The following KCNH8 variants were observed in gnomAD, a reference collection of about 807,000 sequenced individuals.
KCNH8 encodes potassium voltage-gated channel subfamily H member 8.
Under a neutral mutation model 103.6 loss-of-function variants are expected in KCNH8, and 70 were observed. The ratio of observed to expected loss-of-function variants is 0.68; its 90% CI spans 0.56 to 0.82. The LOEUF is 0.82. Ranked by LOEUF, KCNH8 falls within the 40% of genes least tolerant of loss-of-function variation. KCNH8 has a pLI of 0.00. For synonymous variants in KCNH8, 498 were observed against 489.4 expected, an observed-to-expected ratio of 1.02 and a Z score of -0.23; for missense variants, 1,217 against 1,329.9, an observed-to-expected ratio of 0.92 and a Z score of 1.32.
chr3:19,453,453 G>A (rs999515486), intron 10 of KCNH8, among the ~76,000 whole-genome samples: 1 of 152,166 alleles, frequency 6.6e-6, no homozygotes. Flanking sequence ...AAGAGAAAAA[G>A]AGAACTAATA....
At chr3:19,505,577 T>C (rs1212224740) in intron 11 of KCNH8, among the ~76,000 whole-genome samples, 1 of 152,178 alleles carries the variant, frequency 6.6e-6, no homozygotes, top group Non-Finnish European at 1.5e-5. Context: ...ATCCCTTCTC[T>C]CTAGCTGCCT....
intron 15 of KCNH8, among the ~76,000 whole-genome samples, chr3:19,526,936 G>A (rs1037405304): frequency 2.6e-5 from 4 of 151,936 alleles, no homozygotes; most frequent in Non-Finnish European, 5.9e-5. Flanking sequence ...TTTTACAGGA[G>A]CTTGACTACT....
chr3:19,254,376 C>G (rs1457739391), intron 2 of KCNH8, among the ~76,000 whole-genome samples: 1 of 151,996 alleles, frequency 6.6e-6, no homozygotes, highest in Non-Finnish European at 1.5e-5. Flanking sequence ...TTCCGGTTAC[C>G]TAGCCACAGA....
At chr3:19,464,913 AATGAT>A (rs753520015) in intron 11 of KCNH8, among the ~76,000 whole-genome samples, 1 of 152,190 alleles carries the variant, frequency 6.6e-6, no homozygotes, top group Non-Finnish European at 1.5e-5. Flanking sequence ...TTATAGTGAG[AATGAT>A]ATGATTAGTA....
chr3:19,159,773 T>C (rs2063216458), intron 1 of KCNH8, among the ~76,000 whole-genome samples: 1 of 152,126 alleles, frequency 6.6e-6, no homozygotes, highest in South Asian at 2.1e-4. Context: ...TATCTGTATC[T>C]ATATCTATAT....
At chr3:19,184,269 TA>T (rs1246831618) in intron 1 of KCNH8, among the ~76,000 whole-genome samples, 2 of 152,002 alleles carry the variant, frequency 1.3e-5, no homozygotes, top group South Asian at 2.1e-4. Context: ...CTCAAAAACA[TA>T]ATTTTGAGAG....
chr3:19,499,278 T>C (rs2068521464), intron 11 of KCNH8, among the ~76,000 whole-genome samples: 1 of 151,964 alleles, frequency 6.6e-6, no homozygotes, highest in Non-Finnish European at 1.5e-5. Context: ...CTCCAAGAAA[T>C]ATGGGACTCT....
chr3:19,169,070 T>C (rs2063312638), intron 1 of KCNH8, among the ~76,000 whole-genome samples: 1 of 152,106 alleles, frequency 6.6e-6, no homozygotes. Flanking sequence ...CTAAACATTA[T>C]ATAATTGTCA....
At chr3:19,480,450 GGACT>G (rs1017728769) in intron 11 of KCNH8, among the ~76,000 whole-genome samples, 6 of 152,070 alleles carry the variant, frequency 3.9e-5, no homozygotes, top group African/African-American at 1.4e-4. Flanking sequence ...ATAAATCAAA[GGACT>G]ACCTTCCCAA....
intron 11 of KCNH8, among the ~76,000 whole-genome samples, chr3:19,477,924 G>A (rs1486236871): frequency 6.6e-6 from 1 of 150,468 alleles, no homozygotes; most frequent in Non-Finnish European, 1.5e-5. Context: ...TGACCCCCTG[G>A]CACCCTTTTT....
intron 15 of KCNH8, among the ~76,000 whole-genome samples, chr3:19,518,573 T>C (rs1308587296): frequency 6.6e-6 from 1 of 152,014 alleles, no homozygotes; most frequent in Non-Finnish European, 1.5e-5. Context: ...TATCTATTCA[T>C]TTTTAACAGT....
At chr3:19,302,973 A>G (rs2125290859) in intron 3 of KCNH8, among the ~76,000 whole-genome samples, 1 of 152,330 alleles carries the variant, frequency 6.6e-6, no homozygotes, top group Middle Eastern at 3.4e-3. Flanking sequence ...TTTATGGTTT[A>G]TAGTCAGTCT....
chr3:19,395,022 A>C lies in KCNH8; in HGVS notation c.970-82A>C, dbSNP rs2066493433. The C allele has an allele frequency of 1.9e-5, 19 of 984,232 alleles. 1 individual carries two copies. In the South Asian group the frequency reaches 2.5e-4, roughly 13 times the overall value. The allele number at this position is 984,232 out of a possible 1,614,324, so 61.0% of individuals were successfully genotyped here. ...AAAATAATTATACTTCATTTCCAGA[A>C]TTTTTAGAATGGCTCCAAGTTAATG... On this transcript the variant is annotated intron_variant, in intron 6 of 15. Coordinates refer to ENST00000328405, the MANE Select transcript of KCNH8 (RefSeq NM_144633.3).
intron 1 of KCNH8, among the ~76,000 whole-genome samples, chr3:19,214,683 T>G (rs1384865706): frequency 6.6e-6 from 1 of 152,218 alleles, no homozygotes. Context: ...CTCAATAAAC[T>G]GGGTATATCC....
intron 5 of KCNH8, among the ~76,000 whole-genome samples, chr3:19,368,326 A>G (rs972763888): frequency 1.3e-5 from 2 of 152,064 alleles, no homozygotes; most frequent in Admixed American, 6.6e-5. Context: ...GTATAATTCC[A>G]TAAGTGTAGG....
At chr3:19,426,413 T>A (rs2067029322) in intron 7 of KCNH8, among the ~76,000 whole-genome samples, 1 of 151,802 alleles carries the variant, frequency 6.6e-6, no homozygotes, top group Non-Finnish European at 1.5e-5. Context: ...CTTAGGCAAG[T>A]GTGTAAATTA....
intron 1 of KCNH8, among the ~76,000 whole-genome samples, chr3:19,238,385 C>T (rs1297561263): frequency 6.6e-6 from 1 of 151,972 alleles, no homozygotes; most frequent in African/African-American, 2.4e-5. Context: ...TTCCCTGTCT[C>T]AAGACTGAGA....
chr3:19,345,160 C>T (rs1212030311), intron 4 of KCNH8, among the ~76,000 whole-genome samples: 1 of 152,032 alleles, frequency 6.6e-6, no homozygotes, highest in Non-Finnish European at 1.5e-5. Context: ...GTTATTCTGT[C>T]AATCAAATGA....
chr3:19,452,954 G>T (rs1290741395), intron 10 of KCNH8, among the ~76,000 whole-genome samples: 1 of 152,084 alleles, frequency 6.6e-6, no homozygotes, highest in East Asian at 1.9e-4. Context: ...ATCAACCTAA[G>T]TGTTCATCAT....
Sources: allele counts gnomAD v4.1 joint callset (sites outside exome capture counted in the v4.1 genomes callset), GRCh38; gene constraint gnomAD v4.1.1; transcripts MANE v1.5; gene names NCBI Gene and HGNC (gene_info 2026-07-23, HGNC 2026-07-21).